Variants in PTPRU observed in about 807,000 individuals in gnomAD.
The protein encoded by PTPRU is protein tyrosine phosphatase receptor type U, also known as receptor-type tyrosine-protein phosphatase U.
A neutral mutation model predicts 166.3 loss-of-function variants in PTPRU; 69 were observed. The observed-to-expected ratio is 0.41, with a 90% CI of 0.34 to 0.51. PTPRU has a LOEUF of 0.51. Among genes scored for constraint, PTPRU ranks in the 20% least tolerant of loss-of-function variants. The probability of loss-of-function intolerance (pLI) is 0.09; values close to 1 mark genes in which losing one functional copy is unlikely to be tolerated. For synonymous variants in PTPRU, 793 were observed against 814.0 expected (o/e 0.97, Z 0.44); for missense variants, 1,657 against 2,013.7 (o/e 0.82, Z 3.39).
chr1:29,307,113 C>T, intron 18 of PTPRU: 2 of 1,613,294 alleles, frequency 1.2e-6, no homozygotes, highest in South Asian at 1.1e-5. Context: ...ACTGTTTCCT[C>T]ACTGGAATCA....
intron 22 of PTPRU, among the ~76,000 whole-genome samples, chr1:29,313,038 TGCCGCGTGCTAGGCCTG>T (rs1237150824): frequency 6.6e-6 from 1 of 152,228 alleles, no homozygotes; most frequent in Non-Finnish European, 1.5e-5. Context: ...GTTGCACACC[TGCCGCGTGCTAGGCCTG>T]GCCTGGGGGT....
chr1:29,309,890 C>A (rs1687569385), intron 18 of PTPRU, among the ~76,000 whole-genome samples: 1 of 152,180 alleles, frequency 6.6e-6, no homozygotes, highest in Non-Finnish European at 1.5e-5. Flanking sequence ...CAGCGCCAGC[C>A]CTGCAGTACT....
At chr1:29,295,988 G>C (rs558450215) in intron 15 of PTPRU, among the ~76,000 whole-genome samples, 1 of 152,282 alleles carries the variant, frequency 6.6e-6, no homozygotes, top group South Asian at 2.1e-4. Flanking sequence ...ACCGTGCCTA[G>C]CCTTATATAC....
Position 29,290,230 on chromosome 1 carries a change from A to G in PTPRU, c.2319-1639A>G, listed in dbSNP as rs569483966. The stretch of plus-strand genomic sequence containing the variant: ...GTCCCTTCTCCAGCCAGGCAGCCCC[A>G]GCTCTGCAGACCCACCATTTCCTGG... On this transcript the variant is annotated intron_variant, in intron 14 of 29. Coordinates refer to ENST00000373779, the MANE Select transcript of PTPRU (RefSeq NM_133178.4). Among the ~76,000 whole-genome samples the G allele has an allele frequency of 1.1e-4, 16 of 152,268 alleles. No individual in the cohort carries two copies. In the East Asian group the frequency reaches 2.3e-3, roughly 22 times the overall value.
rs1394092530 is a variant in PTPRU, at chr1:29,315,613, C to G, written c.3363+106C>G. 1.4e-6 allele frequency: 2 copies of G among 1,479,104 alleles called. No individual in the cohort carries two copies. The highest frequency in any genetic ancestry group is 2.8e-5 in the African/African-American group (2 of 72,398). The allele number at this position is 1,479,104 out of a possible 1,614,324, so 91.6% of individuals were successfully genotyped here. A position where few individuals can be genotyped will look rare whatever the true frequency, so the allele number is the denominator to read the frequency against. Reference sequence around the variant, plus strand: ...CATGCCCAAAGGGTGTCCTGAGGCTCTTGCCTTCCCTCAGATCATCCCTGA... The same window carrying G: ...CATGCCCAAAGGGTGTCCTGAGGCTGTTGCCTTCCCTCAGATCATCCCTGA... On this transcript the variant is annotated intron_variant, in intron 23 of 29. Transcript: ENST00000373779. This position sits in a 1 kb window ranked among gnomAD's most constrained non-coding sequence, Gnocchi z 4.5.
intron 7 of PTPRU, among the ~76,000 whole-genome samples, chr1:29,272,018 G>C (rs1685577194): frequency 6.6e-6 from 1 of 152,038 alleles, no homozygotes; most frequent in Admixed American, 6.6e-5. Flanking sequence ...CTCGGCTCTT[G>C]TAGACTCCCA....
chr1:29,253,388 G>A (rs965211127), intron 1 of PTPRU, among the ~76,000 whole-genome samples: 3 of 151,984 alleles, frequency 2.0e-5, no homozygotes, highest in African/African-American at 7.3e-5. Context: ...CTTCCTCTAG[G>A]GTATGGGGCA....
At chr1:29,248,476 T>A (rs554379258) in intron 1 of PTPRU, among the ~76,000 whole-genome samples, 164 of 152,296 alleles carry the variant, frequency 1.1e-3, no homozygotes, top group African/African-American at 3.8e-3. Context: ...GTACCTGGGC[T>A]TGGGTGAAAT....
intron 1 of PTPRU, among the ~76,000 whole-genome samples, chr1:29,249,199 C>G (rs1236508379): frequency 6.6e-6 from 1 of 152,218 alleles, no homozygotes; most frequent in Non-Finnish European, 1.5e-5. Context: ...CACACGCACA[C>G]CTGCATGTGG....
At chr1:29,310,595 G>A (rs904635314) in intron 18 of PTPRU, 149 bp from the exon 19 acceptor site, 12 of 833,020 alleles carry the variant, frequency 1.4e-5, no homozygotes, top group African/African-American at 5.0e-5. Context: ...GGGATGCAAA[G>A]TCATCCTGCT....
chr1:29,273,415 T>C (rs1685659596), intron 7 of PTPRU, among the ~76,000 whole-genome samples: 1 of 152,156 alleles, frequency 6.6e-6, no homozygotes, highest in South Asian at 2.1e-4. Context: ...ACCACAGGCA[T>C]GTGCCACCAT....
chr1:29,273,132 C>G (rs1253069232), intron 7 of PTPRU, among the ~76,000 whole-genome samples: 1 of 152,076 alleles, frequency 6.6e-6, no homozygotes, highest in Admixed American at 6.5e-5. Context: ...GTCTTGGTGT[C>G]TTCCCTCATT....
intron 22 of PTPRU, among the ~76,000 whole-genome samples, chr1:29,314,242 T>C (rs1687796746): frequency 6.6e-6 from 1 of 152,248 alleles, no homozygotes; most frequent in African/African-American, 2.4e-5. Flanking sequence ...CCAAGAAATG[T>C]ATTTCTTTCT....
chr1:29,313,699 A>T (rs564629474), intron 22 of PTPRU, among the ~76,000 whole-genome samples: 33 of 152,198 alleles, frequency 2.2e-4, no homozygotes, highest in Middle Eastern at 3.4e-3. Context: ...CTACAAAAAT[A>T]AAAAAATTAG....
intron 25 of PTPRU, among the ~76,000 whole-genome samples, chr1:29,318,891 A>G (rs1688021846): frequency 6.6e-6 from 1 of 152,208 alleles, no homozygotes; most frequent in Non-Finnish European, 1.5e-5. Flanking sequence ...CCACGCGGAA[A>G]TGAGGGATGC....
At chr1:29,288,543 C>T (rs756269385) in intron 14 of PTPRU, among the ~76,000 whole-genome samples, 1 of 152,176 alleles carries the variant, frequency 6.6e-6, no homozygotes, top group East Asian at 1.9e-4. Context: ...ACAGCCCCAG[C>T]GCCCTAGACT....
intron 19 of PTPRU, 48 bp downstream of exon 19, chr1:29,310,828 GT>G (rs1557477566): frequency 3.2e-6 from 5 of 1,583,898 alleles, no homozygotes; most frequent in Non-Finnish European, 4.3e-6. Flanking sequence ...GCCTCCCAGC[GT>G]GCTGGAATGC....
At chr1:29,289,825 C>T (rs1437534302) in intron 14 of PTPRU, 1 of 1,251,694 alleles carries the variant, frequency 8.0e-7, no homozygotes. Context: ...GCCTGGTGTC[C>T]ACCCGGTTCT....
rs977259944 is a variant in PTPRU at position 29,291,450 on chromosome 1, G to C, written c.2319-419G>C. Among the ~76,000 whole-genome samples, 12 of 151,638 alleles carry C rather than the reference G, an allele frequency of 7.9e-5. No homozygotes were observed. The highest frequency in any genetic ancestry group is 2.4e-4 in the African/African-American group (10 of 41,232). ...TTTAACACGGGGAGGAGAGAGGTGG[G>C]GACATGCTGGGCCTGGAGCTGGGCC... On this transcript the variant is annotated intron_variant, in intron 14 of 29. Transcript: ENST00000373779. This position sits in a 1 kb window ranked among gnomAD's most constrained non-coding sequence, Gnocchi z 4.1.
Sources: gnomAD v4.1 joint callset for allele counts (sites outside exome capture counted in the v4.1 genomes callset) on GRCh38, gnomAD v4.1.1 for gene constraint, Gnocchi (gnomAD v3.1) non-coding constraint, MANE v1.5 for transcripts, NCBI Gene and HGNC (gene_info 2026-07-23, HGNC 2026-07-21) for gene names.